Variants in DPYSL2 observed in about 807,000 individuals in gnomAD.
DPYSL2 encodes the protein dihydropyrimidinase like 2, also known as dihydropyrimidinase-related protein 2.
Under a neutral mutation model 69.9 loss-of-function variants are expected in DPYSL2, and 13 were observed. That is an observed-to-expected ratio of 0.19 (90% CI 0.12 to 0.30). The LOEUF is 0.30. DPYSL2 is among the 10% of genes least tolerant of loss of function. The probability of loss-of-function intolerance (pLI) is 1.00; values close to 1 mark genes in which losing one functional copy is unlikely to be tolerated. For synonymous variants in DPYSL2, 326 were observed against 359.1 expected (o/e 0.91, Z 1.04); for missense variants, 587 against 918.9 (o/e 0.64, Z 4.67).
Position 26,643,606 on chromosome 8 carries a change from G to A in DPYSL2, c.1283+11G>A. Reference sequence around the variant, plus strand: ...CTCCTTGCTGTCCTGGTGAGTCCTGGCGACTTGTTCACACTTCACATTCTG... The same window carrying A: ...CTCCTTGCTGTCCTGGTGAGTCCTGACGACTTGTTCACACTTCACATTCTG... On this transcript the variant is annotated intron_variant, in intron 9 of 13. Coordinates refer to ENST00000521913, the MANE Select transcript of DPYSL2 (RefSeq NM_001197293.3). This position sits in a 1 kb window ranked among gnomAD's most constrained non-coding sequence, Gnocchi z 6.5. 6.2e-7 allele frequency: 1 copy of A among 1,614,154 alleles called. No individual in the cohort carries two copies. The highest frequency in any genetic ancestry group is 1.7e-5 in the Admixed American group (1 of 60,022).
chr8:26,566,745 C>G (rs968226367), intron 1 of DPYSL2, among the ~76,000 whole-genome samples: 1 of 152,150 alleles, frequency 6.6e-6, no homozygotes, highest in Non-Finnish European at 1.5e-5. Context: ...ATTTTAGACT[C>G]AAGTCCCAGT....
intron 1 of DPYSL2, among the ~76,000 whole-genome samples, chr8:26,521,969 G>A (rs1432600215): frequency 6.6e-6 from 1 of 152,112 alleles, no homozygotes; most frequent in Admixed American, 6.5e-5. Flanking sequence ...TGGCTATTAG[G>A]AATAATACTG....
chr8:26,615,224 G>T (rs985525840), intron 3 of DPYSL2, among the ~76,000 whole-genome samples: 1 of 152,196 alleles, frequency 6.6e-6, no homozygotes, highest in African/African-American at 2.4e-5. Context: ...GATTAAATGA[G>T]AGAATCCATG....
rs1320687409 is a variant in DPYSL2, at chr8:26,654,767, A to G, written c.1943-848A>G. Among the ~76,000 whole-genome samples, 1 of 152,166 alleles carries G rather than the reference A, an allele frequency of 6.6e-6. No individual in the cohort carries two copies. ...ATAGTTTTACTTTCTCCAGTAATAG[A>G]TCCAACAACCTTTATACAGTGTCTG... On this transcript the variant is annotated intron_variant, in intron 13 of 13. Transcript: ENST00000521913. This position sits in a 1 kb window ranked among gnomAD's most constrained non-coding sequence, Gnocchi z 5.0.
At chr8:26,520,883 A>G (rs76349418) in intron 1 of DPYSL2, among the ~76,000 whole-genome samples, 5,593 of 152,046 alleles carry the variant, frequency 0.037, 157 homozygotes, top group East Asian at 0.085. Flanking sequence ...GTGTCCTTAC[A>G]TAGTGGAAGG....
chr8:26,597,482 CT>C lies in DPYSL2; in HGVS notation c.628+13508del, dbSNP rs1053256117. On this transcript the variant is annotated intron_variant, in intron 3 of 13. Transcript: ENST00000521913. The surrounding 1 kb of genome is among the most constrained non-coding windows in gnomAD (Gnocchi z 5.2). ...GCAGATGGCATTTTTCTTTTCTTTT[CT>C]TTTTTTTTGGATACAGAGTCTCCCT... Among the ~76,000 whole-genome samples, 1 of 151,072 alleles carries C rather than the reference CT, an allele frequency of 6.6e-6. No individual in the cohort carries two copies. Among genetic ancestry groups the C allele is most frequent in the East Asian group, 1.9e-4 (1 of 5,158 alleles).
At chr8:26,635,032 C>A (rs955191569) in intron 8 of DPYSL2, 132 bp downstream of exon 8, 24 of 1,356,442 alleles carry the variant, frequency 1.8e-5, no homozygotes, top group Non-Finnish European at 2.3e-5. Flanking sequence ...CTGGCATTAA[C>A]CTAATTACAG....
At chr8:26,555,991 T>C (rs1800941701) in intron 1 of DPYSL2, among the ~76,000 whole-genome samples, 1 of 111,950 alleles carries the variant, frequency 8.9e-6, no homozygotes, top group South Asian at 2.4e-4. Flanking sequence ...ATAGTATATA[T>C]AAATATATAG....
At position 26,614,703 on chromosome 8, in the gene DPYSL2, G is replaced by A. The variant is rs939015127; in HGVS notation, c.629-9440G>A. ...ACCGATGGTGCCACTTGATTTATAT[G>A]AAGATACTGGTTTAGTTTTAAAAGC... On this transcript the variant is annotated intron_variant, in intron 3 of 13. Coordinates refer to ENST00000521913, the MANE Select transcript of DPYSL2 (RefSeq NM_001197293.3). This position sits in a 1 kb window ranked among gnomAD's most constrained non-coding sequence, Gnocchi z 4.9. Among the ~76,000 whole-genome samples, 2 of 152,172 alleles carry A rather than the reference G, an allele frequency of 1.3e-5. No individual in the cohort carries two copies. Among genetic ancestry groups the A allele is most frequent in the African/African-American group, 2.4e-5 (1 of 41,430 alleles).
chr8:26,556,466 G>A (rs1247776406), intron 1 of DPYSL2, among the ~76,000 whole-genome samples: 1 of 131,964 alleles, frequency 7.6e-6, no homozygotes, highest in African/African-American at 2.9e-5. Flanking sequence ...AAATCTCCTG[G>A]AACTATTAAA....
At chr8:26,536,279 A>G (rs555336084) in intron 1 of DPYSL2, among the ~76,000 whole-genome samples, 1 of 151,596 alleles carries the variant, frequency 6.6e-6, no homozygotes, top group South Asian at 2.1e-4. Flanking sequence ...GTTTCAGCAT[A>G]TTGCCCAGGC....
rs1186321835 is a variant in DPYSL2, at chr8:26,650,671, TGGGCCACCAA to T, written c.1597-1579_1597-1570del. ...CAAGACGAGGAGTCTCATAGGAGACTGGGCCACCAAGGGCCAGCGTGTGCTTATTATGGCA... is the reference window on the plus strand; with the variant it reads ...CAAGACGAGGAGTCTCATAGGAGACTGGGCCAGCGTGTGCTTATTATGGCA... On this transcript the variant is annotated intron_variant, in intron 11 of 13. Transcript: ENST00000521913. This position sits in a 1 kb window ranked among gnomAD's most constrained non-coding sequence, Gnocchi z 5.3. Among the ~76,000 whole-genome samples the T allele has an allele frequency of 6.6e-6, 1 of 152,202 alleles. No individual in the cohort carries two copies. The highest frequency in any genetic ancestry group is 1.5e-5 in the Non-Finnish European group (1 of 68,042).
rs1391116626 is a variant in DPYSL2, at chr8:26,640,286, C to A, written c.1127-3153C>A. ...AGCTCCCATCCCCTGCAGTTCTTGG[C>A]CTTATAGAGAGCCTGCCAGAGGCTG... is the stretch of plus-strand genomic sequence containing the variant. On this transcript the variant is annotated intron_variant, in intron 8 of 13. Transcript: ENST00000521913. The surrounding 1 kb of genome is among the most constrained non-coding windows in gnomAD (Gnocchi z 4.2). 6.6e-6 allele frequency among the ~76,000 whole-genome samples: 1 copy of A among 152,194 alleles called. No individual in the cohort carries two copies. Among genetic ancestry groups the A allele is most frequent in the Non-Finnish European group, 1.5e-5 (1 of 68,028 alleles).
rs1471879084 is a variant in DPYSL2, at chr8:26,641,649, G to A, written c.1127-1790G>A. On this transcript the variant is annotated intron_variant, in intron 8 of 13. Coordinates refer to ENST00000521913, the MANE Select transcript of DPYSL2 (RefSeq NM_001197293.3). The surrounding 1 kb of genome is among the most constrained non-coding windows in gnomAD (Gnocchi z 4.1). ...CTTCTGCATGGGAGACTTTGAGCAG[G>A]CCAGGAGCCAAGGGGACCCTCCTAG... is the stretch of plus-strand genomic sequence containing the variant. Among the ~76,000 whole-genome samples the A allele has an allele frequency of 1.3e-5, 2 of 152,340 alleles. No individual in the cohort carries two copies. Among genetic ancestry groups the A allele is most frequent in the Admixed American group, 6.5e-5 (1 of 15,304 alleles).
rs1234384425 is a variant in DPYSL2, at chr8:26,609,045, G to A, written c.629-15098G>A. Among the ~76,000 whole-genome samples the A allele has an allele frequency of 1.3e-5, 2 of 152,226 alleles. No homozygotes were observed. The highest frequency in any genetic ancestry group is 4.8e-5 in the African/African-American group (2 of 41,460). On this transcript the variant is annotated intron_variant, in intron 3 of 13. Coordinates refer to ENST00000521913, the MANE Select transcript of DPYSL2 (RefSeq NM_001197293.3). This position sits in a 1 kb window ranked among gnomAD's most constrained non-coding sequence, Gnocchi z 6.5. ...TCCATGTAATGGGACTGTTGCTGCA[G>A]CTTTTGTACAAGGGTGGAGTGGGTG... is the stretch of plus-strand genomic sequence containing the variant.
rs364508 is a variant in DPYSL2, at chr8:26,571,799, T to C, written c.355-10170T>C. On this transcript the variant is annotated intron_variant, in intron 1 of 13. Transcript: ENST00000521913. The surrounding 1 kb of genome is among the most constrained non-coding windows in gnomAD (Gnocchi z 6.1). Reference sequence around the variant, plus strand: ...GACCCTCATTTGTCACCACTGTCACTGCTGCTAAAAGGATGCAGCCACAGG... The same window carrying C: ...GACCCTCATTTGTCACCACTGTCACCGCTGCTAAAAGGATGCAGCCACAGG... 0.66 allele frequency among the ~76,000 whole-genome samples: 100,826 copies of C among 152,002 alleles called. 34,059 individuals are homozygous for C. The highest frequency in any genetic ancestry group is 0.93 in the East Asian group (4,794 of 5,156).
chr8:26,657,511 G>T lies in DPYSL2; in HGVS notation c.*1805G>T, dbSNP rs1038979636. 6.6e-6 allele frequency: 1 copy of T among 152,580 alleles called. No homozygotes were observed. The highest frequency in any genetic ancestry group is 1.5e-5 in the Non-Finnish European group (1 of 68,034). 9.5% of individuals were successfully genotyped at this position (152,580 alleles called of 1,614,324 possible). A position where few individuals can be genotyped will look rare whatever the true frequency, so the allele number is the denominator to read the frequency against. On this transcript the variant is annotated 3_prime_UTR_variant, in exon 14 of 14. Transcript: ENST00000521913. Reference sequence around the variant, plus strand: ...TCTCTCTACACATTTTGCCTTTGGGGATCTGGTTGGGGTTTTGGGTTTTTT... The same window carrying T: ...TCTCTCTACACATTTTGCCTTTGGGTATCTGGTTGGGGTTTTGGGTTTTTT...
intron 3 of DPYSL2, among the ~76,000 whole-genome samples, chr8:26,603,142 A>G (rs1299515163): frequency 1.3e-5 from 2 of 151,942 alleles, no homozygotes; most frequent in Non-Finnish European, 1.5e-5. Context: ...TCGGAGCCAC[A>G]GTTTTCTTTC....
intron 3 of DPYSL2, among the ~76,000 whole-genome samples, chr8:26,607,413 G>A (rs893582810): frequency 6.6e-6 from 1 of 151,338 alleles, no homozygotes; most frequent in South Asian, 2.1e-4. Context: ...AACCTGAGAG[G>A]TGGAGGTTAC....
Sources: gnomAD v4.1 joint callset for allele counts (sites outside exome capture counted in the v4.1 genomes callset) on GRCh38, gnomAD v4.1.1 for gene constraint, Gnocchi (gnomAD v3.1) non-coding constraint, MANE v1.5 for transcripts, NCBI Gene and HGNC (gene_info 2026-07-23, HGNC 2026-07-21) for gene names.